Variants in ANKRD13D observed in about 807,000 individuals in gnomAD.
The protein encoded by ANKRD13D is ankyrin repeat domain 13D.
ANKRD13D carries 24 observed loss-of-function variants against 68.8 expected under a neutral mutation model. The observed-to-expected ratio is 0.35, with a 90% CI of 0.25 to 0.49. The LOEUF is 0.49. Ranked by LOEUF, ANKRD13D falls within the 20% of genes least tolerant of loss-of-function variation. ANKRD13D has a pLI of 0.99. For missense variants in ANKRD13D, 735 were observed against 832.1 expected (o/e 0.88, Z 1.44); for synonymous variants, 331 against 336.1 (o/e 0.98, Z 0.16).
Position 67,290,059 on chromosome 11 carries a change from A to C in ANKRD13D, c.91-19A>C. On this transcript the variant is annotated intron_variant, in intron 1 of 14. Transcript: ENST00000511455. ...GCCCTCTTCTCTCCTGCCCTTTGTG[A>C]GTGTCCCGTCTCCCCCAGCACGACA... 6.5e-7 allele frequency: 1 copy of C among 1,534,506 alleles called. No individual in the cohort carries two copies. Among genetic ancestry groups the C allele is most frequent in the Non-Finnish European group, 8.7e-7 (1 of 1,145,442 alleles).
In ANKRD13D at chr11:67,301,988, C is replaced by T; in HGVS notation, c.1605-131C>T. The stretch of plus-strand genomic sequence containing the variant: ...GGTGTGAGGGGTGGGGAAGCAGGGC[C>T]CTGCCTTGTCTCCTCTGCTTGCCAC... On this transcript the variant is annotated intron_variant, in intron 14 of 14. Transcript: ENST00000511455. This position sits in a 1 kb window ranked among gnomAD's most constrained non-coding sequence, Gnocchi z 4.5. 1 of 1,350,216 alleles carries T rather than the reference C, an allele frequency of 7.4e-7. No homozygotes were observed. The highest frequency in any genetic ancestry group is 9.9e-7 in the Non-Finnish European group (1 of 1,006,926). The allele number at this position is 1,350,216 out of a possible 1,614,324, so 83.6% of individuals were successfully genotyped here. A position where few individuals can be genotyped will look rare whatever the true frequency, so the allele number is the denominator to read the frequency against.
In ANKRD13D at chr11:67,302,410, T is replaced by C; in HGVS notation, c.*78T>C. 1 of 1,435,212 alleles carries C rather than the reference T, an allele frequency of 7.0e-7. No homozygotes were observed. The highest frequency in any genetic ancestry group is 1.4e-5 in the African/African-American group (1 of 69,558). 88.9% of individuals were successfully genotyped at this position (1,435,212 alleles called of 1,614,324 possible). On this transcript the variant is annotated 3_prime_UTR_variant, in exon 15 of 15. Transcript: ENST00000511455. ...TATTTATTTATAAACTCTCTGCTGC[T>C]GAGCTTGGGGCCTGGAGCCCCAGGA...
rs1373951810 is a variant in ANKRD13D, at chr11:67,301,697, G to A, written c.1513-35G>A. The A allele has an allele frequency of 2.5e-6, 4 of 1,611,100 alleles. No homozygotes were observed. The highest frequency in any genetic ancestry group is 8.5e-7 in the Non-Finnish European group (1 of 1,179,554). On this transcript the variant is annotated intron_variant, in intron 13 of 14. Coordinates refer to ENST00000511455, the MANE Select transcript of ANKRD13D (RefSeq NM_207354.3). The surrounding 1 kb of genome is among the most constrained non-coding windows in gnomAD (Gnocchi z 4.5). ...GGGCTCTGGCCTCTGCAGCCACACG[G>A]CAGAAGTGACAGCTGTGGGCTCTGG... is the stretch of plus-strand genomic sequence containing the variant.
chr11:67,289,928 C>T (rs954104428), intron 1 of ANKRD13D, 150 bp from the exon 2 acceptor site: 30 of 1,445,694 alleles, frequency 2.1e-5, no homozygotes, highest in Admixed American at 2.8e-5. Flanking sequence ...CTCCTCTCCC[C>T]TGCCAGGACA....
intron 6 of ANKRD13D, among the ~76,000 whole-genome samples, chr11:67,296,947 A>G (rs1433951431): frequency 6.6e-6 from 1 of 151,768 alleles, no homozygotes; most frequent in Non-Finnish European, 1.5e-5. Context: ...TTTTTTGCCC[A>G]CCGTGGTCAA....
rs377421834 is a variant in ANKRD13D at position 67,299,819 on chromosome 11, C to T, written c.881-8C>T. 2.2e-4 allele frequency: 343 copies of T among 1,532,596 alleles called. No homozygotes were observed. The highest frequency in any genetic ancestry group is 2.9e-4 in the Non-Finnish European group (336 of 1,139,576). The allele number at this position is 1,532,596 out of a possible 1,614,324, so 94.9% of individuals were successfully genotyped here. ...GACCCCTTACCAGCTCCCACCCCTT[C>T]TCCGTAGCGGGGAAGACTCCATTCC... On this transcript the variant is annotated splice_polypyrimidine_tract_variant and splice_region_variant and intron_variant, in intron 8 of 14. Transcript: ENST00000511455. This position sits in a 1 kb window ranked among gnomAD's most constrained non-coding sequence, Gnocchi z 6.2.
At position 67,290,217 on chromosome 11, in the gene ANKRD13D, C is replaced by T; in HGVS notation, c.226+4C>T. 1 of 1,540,804 alleles carries T rather than the reference C, an allele frequency of 6.5e-7. No individual in the cohort carries two copies. On this transcript the variant is annotated splice_donor_region_variant and intron_variant, in intron 2 of 14. Coordinates refer to ENST00000511455, the MANE Select transcript of ANKRD13D (RefSeq NM_207354.3). ...GAGAACCGCCAGGGCTGGGCAGGTA[C>T]TGCAGAGGACAAGGGGCTCCCCCTG...
chr11:67,293,795 G>A (rs1056479145), intron 6 of ANKRD13D, among the ~76,000 whole-genome samples: 1 of 152,164 alleles, frequency 6.6e-6, no homozygotes, highest in African/African-American at 2.4e-5. Context: ...TGGGATTACA[G>A]GCATGAGCCA....
intron 3 of ANKRD13D, 163 bp downstream of exon 3, chr11:67,290,609 AAG>A: frequency 2.6e-6 from 3 of 1,149,308 alleles, no homozygotes; most frequent in Non-Finnish European, 1.2e-6. Flanking sequence ...TCACGTAGGA[AAG>A]AGAGACGGCC....
rs2134750285 is a variant in ANKRD13D, at chr11:67,302,128, G to C, written c.1614G>C (p.Gln538His). 6.3e-7 allele frequency: 1 copy of C among 1,575,106 alleles called. No individual in the cohort carries two copies. Among genetic ancestry groups the C allele is most frequent in the South Asian group, 1.2e-5 (1 of 86,594 alleles). ...EEQLQLERALQESLQLSTEPR... is the reference protein window; with the variant it reads ...EEQLQLERALHESLQLSTEPR... ...CTGCCCTGCCTGGAAGGGCCCTCCA[G>C]GAAAGCCTGCAGCTGTCCACAGAGC... The change falls in exon 15 of 15, where the codon CAG (glutamine) becomes CAC (histidine). Residue 538 changes from glutamine (Q) to histidine (H), a missense_variant. By Grantham distance (24) the Gln-to-His change is conservative. Coordinates refer to ENST00000511455, the MANE Select transcript of ANKRD13D (RefSeq NM_207354.3).
rs866667801 is a variant in ANKRD13D, at chr11:67,302,172, C to T, written c.1658C>T (p.Pro553Leu). ...ACAGAGCCCAGGGGCCCAGGATCCC[C>T]TCCCAGGACACCCCCAGCCCCCGGT... Reference protein sequence around the residue: ...LSTEPRGPGSPPRTPPAPGPP... With the variant: ...LSTEPRGPGSLPRTPPAPGPP... Residue 553 changes from proline (P) to leucine (L), a missense_variant, in exon 15 of 15, where the codon CCT (proline) becomes CTT (leucine). Transcript: ENST00000511455. The T allele has an allele frequency of 1.3e-6, 2 of 1,597,692 alleles. No individual in the cohort carries two copies. The highest frequency in any genetic ancestry group is 1.7e-5 in the Admixed American group (1 of 58,566).
chr11:67,289,668 C>G (rs1449288033), intron 1 of ANKRD13D, 118 bp downstream of exon 1: 1 of 1,134,140 alleles, frequency 8.8e-7, no homozygotes, highest in African/African-American at 1.7e-5. Flanking sequence ...ACATCCTGGG[C>G]CTTCCTCCCC....
intron 5 of ANKRD13D, 73 bp from the exon 6 acceptor site, chr11:67,291,918 T>C (rs991606778): frequency 2.0e-6 from 3 of 1,523,310 alleles, no homozygotes; most frequent in Non-Finnish European, 2.6e-6. Context: ...TGAGGGTACA[T>C]GATCGCCCTC....
At chr11:67,292,551 C>G (rs1042179246) in intron 6 of ANKRD13D, among the ~76,000 whole-genome samples, 1 of 151,984 alleles carries the variant, frequency 6.6e-6, no homozygotes, top group Non-Finnish European at 1.5e-5. Context: ...AGCCTAGGAA[C>G]CTGACCCTTC....
chr11:67,302,427 GCCCCAGGA>G lies in ANKRD13D; in HGVS notation c.*96_*103del. 7.0e-7 allele frequency: 1 copy of G among 1,424,316 alleles called. No homozygotes were observed. Among genetic ancestry groups the G allele is most frequent in the Non-Finnish European group, 9.2e-7 (1 of 1,081,484 alleles). 88.2% of individuals were successfully genotyped at this position (1,424,316 alleles called of 1,614,324 possible). A position where few individuals can be genotyped will look rare whatever the true frequency, so the allele number is the denominator to read the frequency against. Reference sequence around the variant, plus strand: ...TCTGCTGCTGAGCTTGGGGCCTGGAGCCCCAGGAATGAGCAGGCAGGGGAGACTGAGAT... The same window carrying G: ...TCTGCTGCTGAGCTTGGGGCCTGGAGATGAGCAGGCAGGGGAGACTGAGAT... On this transcript the variant is annotated 3_prime_UTR_variant, in exon 15 of 15. Coordinates refer to ENST00000511455, the MANE Select transcript of ANKRD13D (RefSeq NM_207354.3).
chr11:67,289,834 G>A, intron 1 of ANKRD13D: 1 of 1,422,080 alleles, frequency 7.0e-7, no homozygotes, highest in Non-Finnish European at 9.2e-7. Context: ...CCCAGGTTCC[G>A]CCAAACTCCT....
At position 67,290,116 on chromosome 11, in the gene ANKRD13D, A is replaced by C; in HGVS notation, c.129A>C (p.Pro43=). ...IEQEDPRGRT[P]LELAVSLGNL... Reference sequence around the variant, plus strand: ...AGGAGGACCCCCGCGGGCGGACCCCACTGGAGCTGGCCGTGTCTCTGGGAA... The same window carrying C: ...AGGAGGACCCCCGCGGGCGGACCCCCCTGGAGCTGGCCGTGTCTCTGGGAA... Residue 43 remains proline (P), a synonymous_variant, in exon 2 of 15, where the codon CCA becomes CCC. Coordinates refer to ENST00000511455, the MANE Select transcript of ANKRD13D (RefSeq NM_207354.3). 3 of 1,537,078 alleles carry C rather than the reference A, an allele frequency of 2.0e-6. No homozygotes were observed. The highest frequency in any genetic ancestry group is 1.7e-6 in the Non-Finnish European group (2 of 1,146,876).
chr11:67,289,737 C>T, intron 1 of ANKRD13D, 187 bp downstream of exon 1: 2 of 1,406,558 alleles, frequency 1.4e-6, no homozygotes. Flanking sequence ...GCCTCCTCTC[C>T]CCTGCGCTGG....
rs990604801 is a variant in ANKRD13D at position 67,293,025 on chromosome 11, T to C, written c.731+845T>C. On this transcript the variant is annotated intron_variant, in intron 6 of 14. Transcript: ENST00000511455. ...TTGTGGCCATTGTATGAATATACCATATCTTGTTTATTCATTAACCCATCG... is the reference window on the plus strand; with the variant it reads ...TTGTGGCCATTGTATGAATATACCACATCTTGTTTATTCATTAACCCATCG... Among the ~76,000 whole-genome samples, 14 of 152,262 alleles carry C rather than the reference T, an allele frequency of 9.2e-5. 1 individual carries two copies. The highest frequency in any genetic ancestry group is 3.1e-4 in the African/African-American group (13 of 41,482).
Sources: allele counts gnomAD v4.1 joint callset (sites outside exome capture counted in the v4.1 genomes callset), GRCh38; gene constraint gnomAD v4.1.1; non-coding constraint Gnocchi (gnomAD v3.1); transcripts MANE v1.5; gene names NCBI Gene and HGNC (gene_info 2026-07-23, HGNC 2026-07-21).